CLCN1: variants seen among roughly 807,000 people sequenced by gnomAD.
The protein encoded by CLCN1 is chloride voltage-gated channel 1.
CLCN1 carries 100 observed loss-of-function variants against 114.5 expected under a neutral mutation model. The ratio of observed to expected loss-of-function variants is 0.87; its 90% CI spans 0.74 to 1.03. The LOEUF (loss-of-function observed/expected upper bound fraction) is 1.03. Among genes scored for constraint, CLCN1 ranks in the 50% least tolerant of loss-of-function variants. The pLI is 0.00. For missense variants in CLCN1, 1,188 were observed against 1,250.0 expected, an observed-to-expected ratio of 0.95 and a Z score of 0.75; for synonymous variants, 485 against 487.1, an observed-to-expected ratio of 1.00 and a Z score of 0.06.
rs770481317 is a variant in CLCN1 at position 143,316,193 on chromosome 7, G to A, written c.-20G>A. ...GGGGCAAGCAGGCCAAGGCCTGGCC[G>A]GGGCTCGGGGGGAGGGAATATGGAG... On this transcript the variant is annotated 5_prime_UTR_variant, in exon 1 of 23. Coordinates refer to ENST00000343257, the MANE Select transcript of CLCN1 (RefSeq NM_000083.3). 2.5e-5 allele frequency: 40 copies of A among 1,605,062 alleles called. No individual in the cohort carries two copies. The African/African-American group carries it at 2.8e-4, about 11-fold the overall frequency.
At position 143,320,858 on chromosome 7, in the gene CLCN1, G is replaced by C; in HGVS notation, c.433+63G>C. 8 of 1,596,824 alleles carry C rather than the reference G, an allele frequency of 5.0e-6. No individual in the cohort carries two copies. In the South Asian group the frequency reaches 6.6e-5, roughly 13 times the overall value. Reference sequence around the variant, plus strand: ...GGAGTTTCTACCTAGGGTAAGCAGGGTGTGTTATCGGAAGCGAATGTTAAG... The same window carrying C: ...GGAGTTTCTACCTAGGGTAAGCAGGCTGTGTTATCGGAAGCGAATGTTAAG... On this transcript the variant is annotated intron_variant, in intron 3 of 22. Transcript: ENST00000343257.
chr7:143,316,366 C>G lies in CLCN1; in HGVS notation c.154C>G (p.Pro52Ala), dbSNP rs1802292476. 1 of 1,612,698 alleles carries G rather than the reference C, an allele frequency of 6.2e-7. No individual in the cohort carries two copies. The highest frequency in any genetic ancestry group is 8.5e-7 in the Non-Finnish European group (1 of 1,179,784). ...LQHRLRKDAG[P>A]RHNVHPTQIY... is the part of the protein sequence containing the mutation. ...GCACAGGCTCCGGAAGGATGCAGGC[C>G]CCCGCCACAACGTCCACCCCACACA... is the stretch of plus-strand genomic sequence containing the variant. The change falls in exon 1 of 23, where the codon CCC becomes GCC. Residue 52 changes from proline (P) to alanine (A), a missense_variant. Physicochemically the swap from Pro to Ala is conservative, Grantham distance 27. Coordinates refer to ENST00000343257, the MANE Select transcript of CLCN1 (RefSeq NM_000083.3).
chr7:143,320,892 G>GT (rs1161053210), intron 3 of CLCN1, 97 bp downstream of exon 3: 1 of 1,436,706 alleles, frequency 7.0e-7, no homozygotes, highest in Non-Finnish European at 9.8e-7. Flanking sequence ...AGCAGGGTGT[G>GT]TTATGGGAAG....
Position 143,341,996 on chromosome 7 carries a change from G to A in CLCN1, c.1650G>A (p.Thr550=), listed in dbSNP as rs778647317. The A allele has an allele frequency of 2.6e-5, 42 of 1,614,042 alleles. No homozygotes were observed. The highest frequency in any genetic ancestry group is 1.3e-4 in the South Asian group (12 of 91,086). ...VSTAVICFEL[T]GQIAHILPMM... Reference sequence around the variant, plus strand: ...CAGCTGTGATTTGCTTCGAATTAACGGGTCAGATTGCTCACATCCTGCCCA... The same window carrying A: ...CAGCTGTGATTTGCTTCGAATTAACAGGTCAGATTGCTCACATCCTGCCCA... The change falls in exon 15 of 23, where the codon ACG becomes ACA. Residue 550 remains threonine, a synonymous_variant. Transcript: ENST00000343257.
At chr7:143,349,131 G>A (rs1306862871) in intron 20 of CLCN1, among the ~76,000 whole-genome samples, 2 of 152,238 alleles carry the variant, frequency 1.3e-5, no homozygotes, top group African/African-American at 4.8e-5. Context: ...TAAGGCCACA[G>A]ATGATCATAG....
At position 143,320,317 on chromosome 7, in the gene CLCN1, G is replaced by A. The variant is rs528187093; in HGVS notation, c.302-347G>A. On this transcript the variant is annotated intron_variant, in intron 2 of 22. Transcript: ENST00000343257. ...AAAGGCACCTCTCTTCACCTCCTTC[G>A]CACTTTGCCTATTCCCTGTTATTCC... is the stretch of plus-strand genomic sequence containing the variant. 5.3e-5 allele frequency among the ~76,000 whole-genome samples: 8 copies of A among 152,226 alleles called. No homozygotes were observed. The East Asian group carries it at 5.8e-4, about 11-fold the overall frequency.
intron 20 of CLCN1, among the ~76,000 whole-genome samples, chr7:143,347,913 G>T (rs117351244): frequency 1.3e-5 from 2 of 152,158 alleles, no homozygotes; most frequent in Non-Finnish European, 2.9e-5. Context: ...TTGGAAGCAG[G>T]CGGTATCAGA....
rs1385144492 is a variant in CLCN1, at chr7:143,339,915, A to G, written c.1582+294A>G. Among the ~76,000 whole-genome samples, 1 of 152,168 alleles carries G rather than the reference A, an allele frequency of 6.6e-6. No homozygotes were observed. Among genetic ancestry groups the G allele is most frequent in the Non-Finnish European group, 1.5e-5 (1 of 68,030 alleles). ...ATAAGGGTTCTGTCTTTCCTTCCCA[A>G]GAATCATGGAACCAACAATGCAGGT... On this transcript the variant is annotated intron_variant, in intron 14 of 22. Transcript: ENST00000343257. The surrounding 1 kb of genome is among the most constrained non-coding windows in gnomAD (Gnocchi z 4.1).
In CLCN1 at chr7:143,322,711, A is replaced by G. The variant is rs571841958; in HGVS notation, c.697-598A>G. On this transcript the variant is annotated intron_variant, in intron 5 of 22. Coordinates refer to ENST00000343257, the MANE Select transcript of CLCN1 (RefSeq NM_000083.3). ...TAATTTTTGTATTTTTAGTGGAGATAGGGTTTCACCATATTGGTCAGGCTG... is the reference window on the plus strand; with the variant it reads ...TAATTTTTGTATTTTTAGTGGAGATGGGGTTTCACCATATTGGTCAGGCTG... Among the ~76,000 whole-genome samples, 6 of 152,336 alleles carry G rather than the reference A, an allele frequency of 3.9e-5. No individual in the cohort carries two copies. The South Asian group carries it at 1.2e-3, about 32-fold the overall frequency.
chr7:143,317,186 C>G (rs1159248970), intron 1 of CLCN1, among the ~76,000 whole-genome samples: 1 of 151,398 alleles, frequency 6.6e-6, no homozygotes, highest in Admixed American at 6.6e-5. Context: ...GCCTCTCCCT[C>G]CAAAGAATGC....
chr7:143,346,549 C>G, intron 18 of CLCN1, 30 bp from the exon 19 acceptor site: 2 of 1,547,338 alleles, frequency 1.3e-6, no homozygotes, highest in Non-Finnish European at 1.8e-6. Context: ...TGCTTTGTGT[C>G]CATTTCCATC....
At chr7:143,322,584 G>A (rs1232220419) in intron 5 of CLCN1, among the ~76,000 whole-genome samples, 1 of 152,214 alleles carries the variant, frequency 6.6e-6, no homozygotes, top group African/African-American at 2.4e-5. Context: ...GTGCAGTGGT[G>A]CGATCTTGGC....
rs540699776 is a variant in CLCN1 at position 143,321,484 on chromosome 7, C to A, written c.553C>A (p.Gln185Lys). ...SALFCHLISPQAVGSGIPEMK... is the reference protein window; with the variant it reads ...SALFCHLISPKAVGSGIPEMK... ...CCTCTTCTGCCACCTCATCTCTCCC[C>A]AGGCTGTTGGTGAGAACTTGCCACC... Residue 185 changes from glutamine to lysine, a missense_variant, in exon 4 of 23, where the codon CAG becomes AAG. Physicochemically the swap from Gln to Lys is moderately conservative, Grantham distance 53. Coordinates refer to ENST00000343257, the MANE Select transcript of CLCN1 (RefSeq NM_000083.3). This position sits in a 1 kb window ranked among gnomAD's most constrained non-coding sequence, Gnocchi z 4.2. 7 of 1,614,152 alleles carry A rather than the reference C, an allele frequency of 4.3e-6. No homozygotes were observed. The African/African-American group carries it at 8.0e-5, about 18-fold the overall frequency.
At chr7:143,320,424 C>T (rs145670561) in intron 2 of CLCN1, among the ~76,000 whole-genome samples, 9 of 152,022 alleles carry the variant, frequency 5.9e-5, no homozygotes, top group African/African-American at 2.2e-4. Flanking sequence ...TTGCAGGGGC[C>T]GGAGCAGCAA....
intron 20 of CLCN1, among the ~76,000 whole-genome samples, chr7:143,347,642 A>AAC (rs1563088683): frequency 6.8e-6 from 1 of 147,954 alleles, no homozygotes. Context: ...AAAAAAAAAA[A>AAC]ACTAAAATGG....
intron 8 of CLCN1, 38 bp downstream of exon 8, chr7:143,330,935 A>G: frequency 6.2e-7 from 1 of 1,614,054 alleles, no homozygotes; most frequent in South Asian, 1.1e-5. Context: ...CATGTGAAAT[A>G]GAAAAGCTGG....
intron 7 of CLCN1, among the ~76,000 whole-genome samples, chr7:143,328,004 A>T (rs1025483690): frequency 2.0e-5 from 3 of 152,298 alleles, no homozygotes; most frequent in East Asian, 3.9e-4. Context: ...ATCTAGGCTA[A>T]CACCCAGATT....
At chr7:143,336,200 T>C (rs1802883668) in intron 12 of CLCN1, among the ~76,000 whole-genome samples, 1 of 152,066 alleles carries the variant, frequency 6.6e-6, no homozygotes, top group South Asian at 2.1e-4. Context: ...TCTCCCGAAG[T>C]GAATTCTTCA....
intron 7 of CLCN1, among the ~76,000 whole-genome samples, chr7:143,326,839 TCTAGA>T (rs1802587408): frequency 6.6e-6 from 1 of 152,216 alleles, no homozygotes; most frequent in Non-Finnish European, 1.5e-5. Context: ...GAATTTATTC[TCTAGA>T]CTAGGATTTG....
Sources: gnomAD v4.1 joint callset for allele counts (sites outside exome capture counted in the v4.1 genomes callset) on GRCh38, gnomAD v4.1.1 for gene constraint, Gnocchi (gnomAD v3.1) non-coding constraint, MANE v1.5 for transcripts, NCBI Gene and HGNC (gene_info 2026-07-23, HGNC 2026-07-21) for gene names.